CTIF: variants seen among roughly 807,000 people sequenced by gnomAD.
CTIF encodes cap binding complex dependent translation initiation factor.
Under a neutral mutation model 66.0 loss-of-function variants are expected in CTIF, and 21 were observed. The ratio of observed to expected loss-of-function variants is 0.32; its 90% CI spans 0.23 to 0.46. The LOEUF (loss-of-function observed/expected upper bound fraction) is 0.46, where lower values mean the gene tolerates loss of function less well. Among genes scored for constraint, CTIF ranks in the 20% least tolerant of loss-of-function variants. The probability of loss-of-function intolerance (pLI) is 1.00; values close to 1 mark genes in which losing one functional copy is unlikely to be tolerated. For missense variants in CTIF, 739 were observed against 812.7 expected, an observed-to-expected ratio of 0.91 and a Z score of 1.10; for synonymous variants, 345 against 326.4, an observed-to-expected ratio of 1.06 and a Z score of -0.62.
chr18:48,725,154 G>T (rs935933809), intron 7 of CTIF, among the ~76,000 whole-genome samples: 1 of 152,208 alleles, frequency 6.6e-6, no homozygotes, highest in African/African-American at 2.4e-5. Context: ...GGGAGCAGAT[G>T]GCTCGGCCTG....
At chr18:48,821,179 G>C (rs1568245494) in intron 10 of CTIF, among the ~76,000 whole-genome samples, 2 of 152,182 alleles carry the variant, frequency 1.3e-5, no homozygotes. Flanking sequence ...CACACCAACA[G>C]CTTCCTCCTA....
rs138125305 is a variant in CTIF, at chr18:48,728,739, T to TGAGAGAGAGA, written c.584+17059_584+17068dup. ...GCCTGTGAAGGAGGGAGGGGGAGAG[T>TGAGAGAGAGA]GAGAGAGAGAGAGAGAGAGAGAGAA... On this transcript the variant is annotated intron_variant, in intron 7 of 11. Transcript: ENST00000256413. 7.3e-3 allele frequency among the ~76,000 whole-genome samples: 1,013 copies of TGAGAGAGAGA among 139,176 alleles called. 7 individuals carry two copies. Among genetic ancestry groups the TGAGAGAGAGA allele is most frequent in the African/African-American group, 0.025 (967 of 38,314 alleles). 91.3% of individuals were successfully genotyped at this position (139,176 alleles called of 152,430 possible). A position where few individuals can be genotyped will look rare whatever the true frequency, so the allele number is the denominator to read the frequency against.
intron 9 of CTIF, among the ~76,000 whole-genome samples, chr18:48,814,636 A>C (rs543647402): frequency 6.6e-6 from 1 of 152,320 alleles, no homozygotes; most frequent in East Asian, 1.9e-4. Flanking sequence ...AAACCACCAA[A>C]AGATGTGTGA....
At position 48,774,497 on chromosome 18, in the gene CTIF, G is replaced by T. The variant is rs573351359; in HGVS notation, c.1371+12808G>T. On this transcript the variant is annotated intron_variant, in intron 9 of 11. Transcript: ENST00000256413. The stretch of plus-strand genomic sequence containing the variant: ...CTTTGGGGGGGACAGGGAGGAACCT[G>T]CAGGGAACGACCCTCCCTTAACCCT... 1.5e-4 allele frequency among the ~76,000 whole-genome samples: 23 copies of T among 152,276 alleles called. No individual in the cohort carries two copies. In the South Asian group the frequency reaches 4.6e-3, roughly 30 times the overall value.
chr18:48,780,353 C>T (rs1190623339), intron 9 of CTIF, among the ~76,000 whole-genome samples: 2 of 152,118 alleles, frequency 1.3e-5, no homozygotes, highest in Non-Finnish European at 1.5e-5. Flanking sequence ...CCTTGTAAAT[C>T]GCTTTCTTCA....
intron 7 of CTIF, among the ~76,000 whole-genome samples, chr18:48,742,926 C>T (rs1441079164): frequency 1.3e-5 from 2 of 152,220 alleles, no homozygotes; most frequent in South Asian, 4.1e-4. Context: ...TTGGCCCCTC[C>T]ACCAGTCTAT....
intron 1 of CTIF, among the ~76,000 whole-genome samples, chr18:48,557,953 A>G (rs1044450091): frequency 6.6e-6 from 1 of 152,226 alleles, no homozygotes. Context: ...CCTGTTTCCA[A>G]ACATATTTAT....
At chr18:48,644,337 A>G (rs1477988528) in intron 3 of CTIF, among the ~76,000 whole-genome samples, 1 of 152,184 alleles carries the variant, frequency 6.6e-6, no homozygotes, top group Non-Finnish European at 1.5e-5. Context: ...AGTGGAGAGA[A>G]CAGATGCTGA....
intron 10 of CTIF, among the ~76,000 whole-genome samples, chr18:48,855,539 C>T (rs1311360367): frequency 6.6e-6 from 1 of 152,204 alleles, no homozygotes; most frequent in Non-Finnish European, 1.5e-5. Flanking sequence ...GTGATGCTCT[C>T]GAGTTTGCCA....
intron 1 of CTIF, among the ~76,000 whole-genome samples, chr18:48,608,183 C>T (rs2090238797): frequency 6.6e-6 from 1 of 152,060 alleles, no homozygotes; most frequent in African/African-American, 2.4e-5. Flanking sequence ...TATGGGTCTG[C>T]AGAGAACTGG....
intron 10 of CTIF, among the ~76,000 whole-genome samples, chr18:48,846,811 A>G (rs924784172): frequency 2.6e-5 from 4 of 151,596 alleles, no homozygotes; most frequent in Non-Finnish European, 5.9e-5. Context: ...GGATGAAAGG[A>G]TGGATGGATG....
intron 9 of CTIF, among the ~76,000 whole-genome samples, chr18:48,815,047 G>A (rs1416549312): frequency 2.0e-5 from 3 of 152,282 alleles, no homozygotes; most frequent in South Asian, 2.1e-4. Context: ...GTGACTAAGC[G>A]TGGGCTCTGA....
intron 7 of CTIF, among the ~76,000 whole-genome samples, chr18:48,747,288 G>A (rs1907317893): frequency 2.0e-5 from 3 of 152,202 alleles, no homozygotes; most frequent in Non-Finnish European, 4.4e-5. Context: ...TTGCCAACTG[G>A]TGCTGAGCCT....
chr18:48,541,954 G>T (rs1231601745), intron 1 of CTIF, among the ~76,000 whole-genome samples: 2 of 152,002 alleles, frequency 1.3e-5, no homozygotes, highest in Non-Finnish European at 2.9e-5. Flanking sequence ...CTTGCATAAG[G>T]CCTCTGGGTG....
intron 1 of CTIF, among the ~76,000 whole-genome samples, chr18:48,582,694 TG>T (rs2089686770): frequency 6.6e-6 from 1 of 152,116 alleles, no homozygotes; most frequent in Non-Finnish European, 1.5e-5. Flanking sequence ...GTAGTAGTGG[TG>T]GTGGTAATAA....
At chr18:48,781,830 C>T (rs1911259760) in intron 9 of CTIF, among the ~76,000 whole-genome samples, 1 of 152,152 alleles carries the variant, frequency 6.6e-6, no homozygotes, top group South Asian at 2.1e-4. Context: ...TGGATACTTC[C>T]CCTAATATTT....
At chr18:48,850,977 G>T (rs2069186885) in intron 10 of CTIF, among the ~76,000 whole-genome samples, 2 of 152,238 alleles carry the variant, frequency 1.3e-5, no homozygotes, top group African/African-American at 4.8e-5. Context: ...CTCCTTCCCT[G>T]ACTTCCTTGA....
At chr18:48,550,298 T>C (rs1425463298) in intron 1 of CTIF, among the ~76,000 whole-genome samples, 1 of 152,212 alleles carries the variant, frequency 6.6e-6, no homozygotes, top group Non-Finnish European at 1.5e-5. Flanking sequence ...CCTGAGGGCC[T>C]GAGGCTCCAG....
At chr18:48,851,717 T>A (rs1338806002) in intron 10 of CTIF, among the ~76,000 whole-genome samples, 2 of 152,126 alleles carry the variant, frequency 1.3e-5, no homozygotes, top group Non-Finnish European at 2.9e-5. Context: ...GACATCCGCC[T>A]GCGGCTGCTT....
Sources: gnomAD v4.1 joint callset for allele counts (sites outside exome capture counted in the v4.1 genomes callset) on GRCh38, gnomAD v4.1.1 for gene constraint, MANE v1.5 for transcripts, NCBI Gene and HGNC (gene_info 2026-07-23, HGNC 2026-07-21) for gene names.